CNKSR1: variants seen among roughly 807,000 people sequenced by gnomAD.
CNKSR1 encodes connector enhancer of kinase suppressor of Ras 1, also known as CNK homolog protein 1.
Under a neutral mutation model 95.6 loss-of-function variants are expected in CNKSR1, and 88 were observed. The observed-to-expected ratio is 0.92, with a 90% confidence interval of 0.78 to 1.10. CNKSR1 has a LOEUF of 1.10. CNKSR1 is among the 50% of genes least tolerant of loss of function. The probability of loss-of-function intolerance (pLI) is 0.00; values close to 1 mark genes in which losing one functional copy is unlikely to be tolerated. For synonymous variants in CNKSR1, 355 were observed against 369.7 expected (o/e 0.96, Z 0.46); for missense variants, 836 against 912.0 (o/e 0.92, Z 1.07).
rs2088677935 is a variant in CNKSR1 at position 26,183,267 on chromosome 1, CA to C, written c.684+12del. On this transcript the variant is annotated intron_variant, in intron 7 of 20. Transcript: ENST00000361530. ...CAAGTGGACACCCAGGTGAGAGCCC[CA>C]CACCCTTCTCAGCCGCCCATCCCCG... 1 of 1,614,168 alleles carries C rather than the reference CA, an allele frequency of 6.2e-7. No individual in the cohort carries two copies. The highest frequency in any genetic ancestry group is 8.5e-7 in the Non-Finnish European group (1 of 1,180,002).
In CNKSR1 at chr1:26,188,894, C is replaced by T. The variant is rs368570028; in HGVS notation, c.1813C>T (p.Arg605Ter). 11 of 1,613,818 alleles carry T rather than the reference C, an allele frequency of 6.8e-6. No homozygotes were observed. Among genetic ancestry groups the T allele is most frequent in the Middle Eastern group, 1.6e-4 (1 of 6,082 alleles). ...QWRSSFMRRN[R>*]DPQLNERVHR... ...GCGGAGCTCTTTCATGCGGCGCAAC[C>T]GAGACCCTCAGCTCAATGAGCGAGT... The change falls in exon 20 of 21, where the codon CGA (arginine) becomes TGA (stop). Residue 605 changes from arginine to a stop codon, truncating the protein, a stop_gained. Transcript: ENST00000361530. LOFTEE classifies it high-confidence loss of function.
intron 4 of CNKSR1, 115 bp downstream of exon 4, chr1:26,182,056 AAGG>A: frequency 9.5e-7 from 1 of 1,057,682 alleles, no homozygotes. Context: ...ACGGGCGAGA[AAGG>A]AGGAGAGGAG....
chr1:26,186,066 G>A (rs553883509), intron 14 of CNKSR1, among the ~76,000 whole-genome samples: 10 of 152,284 alleles, frequency 6.6e-5, no homozygotes, highest in Non-Finnish European at 1.2e-4. Flanking sequence ...TGTAGGGACC[G>A]TGTGCTAAGA....
chr1:26,182,694 CTTTT>C lies in CNKSR1; in HGVS notation c.624+113_624+116del, dbSNP rs1003059795. On this transcript the variant is annotated intron_variant, in intron 6 of 20. Transcript: ENST00000361530. ...CCCTGTGCTGCCATGGCTGGAAAGC[CTTTT>C]TTGTACAGATGCTAAAATGGAGGCC... 1.0e-5 allele frequency: 10 copies of C among 995,662 alleles called. No individual in the cohort carries two copies. The African/African-American group carries it at 1.6e-4, about 16-fold the overall frequency. 61.7% of individuals were successfully genotyped at this position (995,662 alleles called of 1,614,324 possible).
At chr1:26,183,888 G>T (rs1569879691) in intron 9 of CNKSR1, 58 bp downstream of exon 9, 2 of 562,996 alleles carry the variant, frequency 3.6e-6, no homozygotes, top group Non-Finnish European at 6.2e-6. Flanking sequence ...ACAGGTACCT[G>T]CCCCCACCAC....
rs1418087318 is a variant in CNKSR1, at chr1:26,189,475, C to T, written c.2069C>T (p.Pro690Leu). 2 of 1,613,720 alleles carry T rather than the reference C, an allele frequency of 1.2e-6. No homozygotes were observed. The highest frequency in any genetic ancestry group is 1.7e-6 in the Non-Finnish European group (2 of 1,179,700). The change falls in exon 21 of 21, where the codon CCC becomes CTC. Residue 690 changes from proline (P) to leucine (L), a missense_variant. By Grantham distance (98) the Pro-to-Leu change is moderately conservative. Transcript: ENST00000361530. ...ACAGAACAGTCCCCCCACTCCCTGC[C>T]CTCTGACCCTGAAGAGCACTCCCAT... ...DSTEQSPHSL[P>L]SDPEEHSHLC...
chr1:26,184,023 T>A, intron 9 of CNKSR1, 48 bp from the exon 10 acceptor site: 1 of 1,298,538 alleles, frequency 7.7e-7, no homozygotes. Flanking sequence ...CCCCCCAACC[T>A]GCTTTCAGAC....
Position 26,187,468 on chromosome 1 carries a change from G to A in CNKSR1, c.1440G>A (p.Leu480=). The change falls in exon 16 of 21, where the codon CTG becomes CTA. Residue 480 remains leucine (L), a synonymous_variant. Transcript: ENST00000361530. ...CCTTCATCTTCGCTGCTGATACCCT[G>A]ACAGATCTGAGCATGTGAGTGCCGC... ...YKPFIFAADT[L]TDLSMWVRHL... is the part of the protein sequence containing the mutation. 1 of 1,614,032 alleles carries A rather than the reference G, an allele frequency of 6.2e-7. No homozygotes were observed. The highest frequency in any genetic ancestry group is 1.3e-5 in the African/African-American group (1 of 74,990).
chr1:26,185,209 A>G (rs2783680), intron 14 of CNKSR1, 23 bp downstream of exon 14: 946,238 of 1,549,290 alleles, frequency 0.61, 295,435 homozygotes, highest in East Asian at 0.98. Context: ...ACACAAAAAC[A>G]GGTAGGCAAG....
At chr1:26,179,922 G>A (rs2088617730) in intron 1 of CNKSR1, among the ~76,000 whole-genome samples, 1 of 152,082 alleles carries the variant, frequency 6.6e-6, no homozygotes, top group Admixed American at 6.6e-5. Flanking sequence ...AATTGCTTGA[G>A]CCCAGGAGTT....
chr1:26,189,023 A>G, intron 20 of CNKSR1, 70 bp downstream of exon 20: 1 of 1,525,078 alleles, frequency 6.6e-7, no homozygotes, highest in Non-Finnish European at 8.9e-7. Flanking sequence ...TGCGGCTGTC[A>G]CCTCCACCCT....
intron 1 of CNKSR1, 42 bp downstream of exon 1, chr1:26,177,641 G>T: frequency 6.2e-7 from 1 of 1,608,454 alleles, no homozygotes; most frequent in Non-Finnish European, 8.5e-7. Context: ...AGGGGACTAG[G>T]TGTGGTGTCC....
In CNKSR1 at chr1:26,177,544, G is replaced by A. The variant is rs372083929; in HGVS notation, c.-4G>A. On this transcript the variant is annotated 5_prime_UTR_variant, in exon 1 of 21. Transcript: ENST00000361530. ...GAGCTGATTCGAGCTGGCAGAGCTG[G>A]GCCATGGAACCGGTAGAGACCTGGA... 121 of 1,614,110 alleles carry A rather than the reference G, an allele frequency of 7.5e-5. No individual in the cohort carries two copies. The highest frequency in any genetic ancestry group is 4.9e-4 in the Middle Eastern group (3 of 6,062).
chr1:26,188,192 C>T (rs769954417), intron 16 of CNKSR1, 42 bp from the exon 17 acceptor site: 41 of 1,561,952 alleles, frequency 2.6e-5, no homozygotes, highest in Non-Finnish European at 3.5e-5. Context: ...CAAGAGGGCC[C>T]CAGTGGATGG....
rs765383449 is a variant in CNKSR1 at position 26,185,125 on chromosome 1, G to C, written c.1247G>C (p.Arg416Pro). Reference sequence around the variant, plus strand: ...GCACCGGGCGGCTTCATGGGCCCGCGCTGGCGCCGCCGCTGGTTTGTGCTC... The same window carrying C: ...GCACCGGGCGGCTTCATGGGCCCGCCCTGGCGCCGCCGCTGGTTTGTGCTC... The part of the protein sequence containing the change: ...RKAPGGFMGP[R>P]WRRRWFVLKG... The change falls in exon 14 of 21, where the codon CGC becomes CCC. Residue 416 changes from arginine to proline, a missense_variant. Coordinates refer to ENST00000361530, the MANE Select transcript of CNKSR1 (RefSeq NM_006314.3). The C allele has an allele frequency of 9.1e-5, 144 of 1,587,306 alleles. No homozygotes were observed. The highest frequency in any genetic ancestry group is 1.2e-4 in the Non-Finnish European group (137 of 1,168,020).
At chr1:26,184,764 C>A in intron 13 of CNKSR1, 152 bp downstream of exon 13, 1 of 1,029,384 alleles carries the variant, frequency 9.7e-7, no homozygotes, top group Non-Finnish European at 1.5e-6. Flanking sequence ...TGCTCCCAGT[C>A]TGGGCCTCTC....
At chr1:26,181,811 G>A in intron 3 of CNKSR1, 46 bp from the exon 4 acceptor site, 7 of 1,576,544 alleles carry the variant, frequency 4.4e-6, no homozygotes, top group Non-Finnish European at 5.2e-6. Context: ...GGCTCTGAGT[G>A]GTTAAGCATA....
intron 4 of CNKSR1, chr1:26,182,143 G>A (rs2088657109): frequency 1.1e-5 from 8 of 710,322 alleles, no homozygotes; most frequent in Non-Finnish European, 1.7e-5. Flanking sequence ...ACTCAGGACA[G>A]GGAAGGAGGG....
At position 26,180,902 on chromosome 1, in the gene CNKSR1, C is replaced by T. The variant is rs201621670; in HGVS notation, c.392+6C>T. 4.7e-4 allele frequency: 757 copies of T among 1,613,996 alleles called. No homozygotes were observed. Among genetic ancestry groups the T allele is most frequent in the Non-Finnish European group, 5.6e-4 (655 of 1,180,020 alleles). On this transcript the variant is annotated splice_donor_region_variant and intron_variant, in intron 3 of 20. Transcript: ENST00000361530. ...CTCCTCTTCTGGCTCAGCAGGTACC[C>T]GGGTTGGGGTGACGAGTGAGGGACT...
Sources: gnomAD v4.1 joint callset for allele counts (sites outside exome capture counted in the v4.1 genomes callset) on GRCh38, gnomAD v4.1.1 for gene constraint, MANE v1.5 for transcripts, NCBI Gene and HGNC (gene_info 2026-07-23, HGNC 2026-07-21) for gene names.